The following SMIM18 variants were observed in gnomAD, a reference collection of about 807,000 sequenced individuals.
SMIM18 encodes small integral membrane protein 18.
In SMIM18, 4 loss-of-function variants were observed where a neutral mutation model predicts 5.9. That is an observed-to-expected ratio of 0.68 (90% CI 0.33 to 1.56). The LOEUF (loss-of-function observed/expected upper bound fraction) is 1.56, where lower values mean the gene tolerates loss of function less well. SMIM18 is among the 40% of genes most tolerant of loss of function. The probability of loss-of-function intolerance (pLI) is 0.06; values close to 1 mark genes in which losing one functional copy is unlikely to be tolerated. For synonymous variants in SMIM18, 37 were observed against 37.4 expected (o/e 0.99, Z 0.04); for missense variants, 89 against 109.7 (o/e 0.81, Z 0.84).
intron 1 of SMIM18, among the ~76,000 whole-genome samples, chr8:30,640,275 T>C (rs2128725557): frequency 6.6e-6 from 1 of 152,312 alleles, no homozygotes; most frequent in East Asian, 1.9e-4. Context: ...TCAAAGGCTT[T>C]TACCATAAAT....
In SMIM18 at chr8:30,645,346, G is replaced by C; in HGVS notation, c.37G>C (p.Val13Leu). Residue 13 changes from valine (V) to leucine (L), a missense_variant, in exon 3 of 3, where the codon GTT (valine) becomes CTT (leucine). Val to Leu is a conservative substitution (Grantham distance 32). Transcript: ENST00000517349. ...CCACTGGAATGAAACCACTACCTCT[G>C]TTTATCAGTACCTTGGTTTTCAAGT... is the stretch of plus-strand genomic sequence containing the variant. ...SSHWNETTTSVYQYLGFQVQK... is the reference protein window; with the variant it reads ...SSHWNETTTSLYQYLGFQVQK... 6.5e-7 allele frequency: 1 copy of C among 1,535,654 alleles called. No individual in the cohort carries two copies. The highest frequency in any genetic ancestry group is 8.7e-7 in the Non-Finnish European group (1 of 1,146,888).
intron 1 of SMIM18, among the ~76,000 whole-genome samples, chr8:30,642,495 A>G (rs1016100416): frequency 6.6e-6 from 1 of 152,174 alleles, no homozygotes; most frequent in African/African-American, 2.4e-5. Context: ...TAAATAATAT[A>G]TTTAAATTGT....
intron 1 of SMIM18, among the ~76,000 whole-genome samples, chr8:30,641,787 G>C (rs1801843923): frequency 6.6e-6 from 1 of 152,162 alleles, no homozygotes; most frequent in African/African-American, 2.4e-5. Flanking sequence ...TGAGGCAGGA[G>C]AATCACTTGA....
chr8:30,640,271 G>C (rs574434513), intron 1 of SMIM18, among the ~76,000 whole-genome samples: 36 of 152,042 alleles, frequency 2.4e-4, no homozygotes, highest in Non-Finnish European at 2.8e-4. Context: ...CAATTCAAAG[G>C]CTTTTACCAT....
chr8:30,642,816 T>C (rs1801897921), intron 1 of SMIM18, among the ~76,000 whole-genome samples: 1 of 152,260 alleles, frequency 6.6e-6, no homozygotes, highest in Admixed American at 6.5e-5. Context: ...CATTAATGGA[T>C]ACAAGTTAAA....
intron 1 of SMIM18, among the ~76,000 whole-genome samples, chr8:30,644,075 T>C (rs1258410665): frequency 6.6e-6 from 1 of 152,244 alleles, no homozygotes; most frequent in Non-Finnish European, 1.5e-5. Context: ...GGTTATCTTA[T>C]AATTTTTAAA....
chr8:30,644,346 C>A (rs1354058283), intron 1 of SMIM18, 146 bp from the exon 2 acceptor site: 4 of 152,120 alleles, frequency 2.6e-5, no homozygotes, highest in Non-Finnish European at 4.4e-5. Context: ...GTCTATGGGT[C>A]ACTCAGGTAT....
intron 1 of SMIM18, among the ~76,000 whole-genome samples, chr8:30,639,391 G>T (rs1801728776): frequency 6.6e-6 from 1 of 151,930 alleles, no homozygotes; most frequent in African/African-American, 2.4e-5. Flanking sequence ...TTTCATTTTT[G>T]ATATCAATTT....
chr8:30,644,153 T>C (rs1045319565), intron 1 of SMIM18, among the ~76,000 whole-genome samples: 1 of 152,200 alleles, frequency 6.6e-6, no homozygotes, highest in Non-Finnish European at 1.5e-5. Context: ...ATTACTATAG[T>C]TCCATACTGA....
Position 30,645,567 on chromosome 8 carries a change from C to T in SMIM18, c.258C>T (p.Asn86=). 6.5e-7 allele frequency: 1 copy of T among 1,535,540 alleles called. No homozygotes were observed. The highest frequency in any genetic ancestry group is 2.4e-5 in the East Asian group (1 of 40,898). The change falls in exon 3 of 3, where the codon AAC becomes AAT. Residue 86 remains asparagine (N), a synonymous_variant. Coordinates refer to ENST00000517349, the MANE Select transcript of SMIM18 (RefSeq NM_001206847.2). The stretch of plus-strand genomic sequence containing the variant: ...ACCCTCTTAGAAGTATGATGGACAA[C>T]ATCAGAAAACGTGAAACTGAAGTGG... ...EPNPLRSMMD[N]IRKRETEVV
rs1563508490 is a variant in SMIM18, at chr8:30,645,292, C to T, written c.-18C>T. On this transcript the variant is annotated 5_prime_UTR_variant, in exon 3 of 3. Transcript: ENST00000517349. ...TACCTTTTTTATAGATTCAAAAGAG[C>T]AAGTGGAATCTCTAAGAATGGCTTC... is the stretch of plus-strand genomic sequence containing the variant. The T allele has an allele frequency of 6.6e-7, 1 of 1,525,938 alleles. No individual in the cohort carries two copies. Among genetic ancestry groups the T allele is most frequent in the African/African-American group, 1.4e-5 (1 of 72,380 alleles). The allele number at this position is 1,525,938 out of a possible 1,614,324, so 94.5% of individuals were successfully genotyped here.
intron 2 of SMIM18, 42 bp from the exon 3 acceptor site, chr8:30,645,239 C>T: frequency 7.1e-7 from 1 of 1,405,986 alleles, no homozygotes; most frequent in Non-Finnish European, 9.4e-7. Flanking sequence ...ATTAACAGAT[C>T]TGTAGTTTGC....
In SMIM18 at chr8:30,645,458, T is replaced by C. The variant is rs188901748; in HGVS notation, c.149T>C (p.Val50Ala). 12,968 of 1,535,702 alleles carry C rather than the reference T, an allele frequency of 8.4e-3. 69 individuals are homozygous for C. The highest frequency in any genetic ancestry group is 0.01 in the Non-Finnish European group (11,716 of 1,146,890). ...TTTATATTTACAGTGGTATCTTTAG[T>C]GGTGCTGGCTTTCCTTTATGAAGTG... ...LLFIFTVVSL[V>A]VLAFLYEVLD... Residue 50 changes from valine (V) to alanine (A), a missense_variant, in exon 3 of 3, where the codon GTG becomes GCG. Val to Ala is a moderately conservative substitution (Grantham distance 64). Transcript: ENST00000517349.
chr8:30,644,792 C>A (rs569426947), intron 2 of SMIM18, among the ~76,000 whole-genome samples: 1 of 150,398 alleles, frequency 6.6e-6, no homozygotes, highest in East Asian at 1.9e-4. Context: ...TTCCCATTGT[C>A]CAGGCTAGAA....
At chr8:30,640,321 C>T (rs1801769141) in intron 1 of SMIM18, among the ~76,000 whole-genome samples, 1 of 152,162 alleles carries the variant, frequency 6.6e-6, no homozygotes, top group African/African-American at 2.4e-5. Flanking sequence ...ATCTGGCAAC[C>T]CAAAGGTTCC....
intron 1 of SMIM18, among the ~76,000 whole-genome samples, chr8:30,640,609 C>G (rs1386674290): frequency 1.3e-5 from 2 of 152,186 alleles, no homozygotes; most frequent in African/African-American, 4.8e-5. Flanking sequence ...TTTTCTCTTG[C>G]TTTTCATAAA....
chr8:30,640,462 TAAAAC>T (rs1268160792), intron 1 of SMIM18, among the ~76,000 whole-genome samples: 8 of 152,106 alleles, frequency 5.3e-5, no homozygotes, highest in Non-Finnish European at 1.5e-5. Flanking sequence ...AAAATTAACA[TAAAAC>T]AAAACTAAAA....
Position 30,645,301 on chromosome 8 carries a change from T to A in SMIM18, c.-9T>A, listed in dbSNP as rs1334672244. Reference sequence around the variant, plus strand: ...TATAGATTCAAAAGAGCAAGTGGAATCTCTAAGAATGGCTTCCAGCCACTG... The same window carrying A: ...TATAGATTCAAAAGAGCAAGTGGAAACTCTAAGAATGGCTTCCAGCCACTG... On this transcript the variant is annotated 5_prime_UTR_variant, in exon 3 of 3. Transcript: ENST00000517349. 1 of 1,528,926 alleles carries A rather than the reference T, an allele frequency of 6.5e-7. No individual in the cohort carries two copies. Among genetic ancestry groups the A allele is most frequent in the African/African-American group, 1.4e-5 (1 of 72,500 alleles). The allele number at this position is 1,528,926 out of a possible 1,614,324, so 94.7% of individuals were successfully genotyped here.
At chr8:30,639,711 C>T (rs1030491111) in intron 1 of SMIM18, among the ~76,000 whole-genome samples, 3 of 151,982 alleles carry the variant, frequency 2.0e-5, no homozygotes, top group Admixed American at 2.0e-4. Flanking sequence ...ACCTAAAGAG[C>T]CAGCTTCTGT....
Sources: gnomAD v4.1 joint callset for allele counts (sites outside exome capture counted in the v4.1 genomes callset) on GRCh38, gnomAD v4.1.1 for gene constraint, MANE v1.5 for transcripts, NCBI Gene and HGNC (gene_info 2026-07-23, HGNC 2026-07-21) for gene names.